KLHL29: variants seen among roughly 807,000 people sequenced by gnomAD.
KLHL29 encodes the protein kelch like family member 29.
KLHL29 carries 21 observed loss-of-function variants against 80.4 expected under a neutral mutation model. That is an observed-to-expected ratio of 0.26 (90% CI 0.19 to 0.38). The LOEUF (loss-of-function observed/expected upper bound fraction) is 0.38. KLHL29 is among the 10% of genes least tolerant of loss of function. KLHL29 has a pLI of 1.00. For missense variants in KLHL29, 867 were observed against 1,223.9 expected, an observed-to-expected ratio of 0.71 and a Z score of 4.35; for synonymous variants, 511 against 526.8, an observed-to-expected ratio of 0.97 and a Z score of 0.41.
At chr2:23,525,563 C>A (rs1292480802) in intron 2 of KLHL29, among the ~76,000 whole-genome samples, 2 of 152,200 alleles carry the variant, frequency 1.3e-5, no homozygotes, top group African/African-American at 4.8e-5. Context: ...TCTGGCCAGG[C>A]AGTGGGATGG....
chr2:23,481,553 C>G (rs1558354276), intron 2 of KLHL29, among the ~76,000 whole-genome samples: 1 of 152,222 alleles, frequency 6.6e-6, no homozygotes, highest in Non-Finnish European at 1.5e-5. Context: ...GGTCAGCAGC[C>G]TCGTTCTGTA....
Position 23,669,727 on chromosome 2 carries a change from G to A in KLHL29, c.941-14672G>A, listed in dbSNP as rs1040679198. ...CCCCCAGTCAGCCTCTGAGCACAGT[G>A]GCCGGTGCCCAGCTCATTTAGAGCT... On this transcript the variant is annotated intron_variant, in intron 5 of 13. Coordinates refer to ENST00000486442, the MANE Select transcript of KLHL29 (RefSeq NM_052920.2). This position sits in a 1 kb window ranked among gnomAD's most constrained non-coding sequence, Gnocchi z 4.3. 1.3e-5 allele frequency among the ~76,000 whole-genome samples: 2 copies of A among 152,180 alleles called. No individual in the cohort carries two copies. Among genetic ancestry groups the A allele is most frequent in the African/African-American group, 4.8e-5 (2 of 41,454 alleles).
At chr2:23,597,309 A>ATATATATGTG (rs1558402682) in intron 3 of KLHL29, among the ~76,000 whole-genome samples, 2 of 100,522 alleles carry the variant, frequency 2.0e-5, no homozygotes, top group African/African-American at 8.2e-5. Flanking sequence ...ATATATATAT[A>ATATATATGTG]TGTGTGTGTG....
intron 1 of KLHL29, among the ~76,000 whole-genome samples, chr2:23,452,359 A>C (rs1462456128): frequency 1.3e-5 from 2 of 151,756 alleles, no homozygotes; most frequent in Admixed American, 1.3e-4. Flanking sequence ...GTAAGAACTC[A>C]CTCATCACCA....
At position 23,558,412 on chromosome 2, in the gene KLHL29, T is replaced by TTTTTTTTTTTTC. The variant is rs557986046; in HGVS notation, c.-45-3730_-45-3729insTCTTTTTTTTTT. On this transcript the variant is annotated intron_variant, in intron 2 of 13. Transcript: ENST00000486442. ...CTAGGACTGTAAGACATTTTCTCTT[T>TTTTTTTTTTTTC]TTTTTTTTTTCTTTGGTCTCACTCT... Among the ~76,000 whole-genome samples the TTTTTTTTTTTTC allele has an allele frequency of 2.1e-3, 271 of 129,008 alleles. 1 individual carries two copies. The highest frequency in any genetic ancestry group is 7.5e-3 in the Middle Eastern group (2 of 266). The allele number at this position is 129,008 out of a possible 152,430, so 84.6% of individuals were successfully genotyped here.
chr2:23,662,993 C>A (rs1459433250), intron 5 of KLHL29, among the ~76,000 whole-genome samples: 1 of 152,160 alleles, frequency 6.6e-6, no homozygotes, highest in Non-Finnish European at 1.5e-5. Context: ...ATTTTCCTGG[C>A]CTGTACAATG....
chr2:23,602,059 C>G (rs1380246520), intron 3 of KLHL29, among the ~76,000 whole-genome samples: 1 of 152,172 alleles, frequency 6.6e-6, no homozygotes, highest in African/African-American at 2.4e-5. Flanking sequence ...GAGAAACTCA[C>G]GAAGGGGCAG....
chr2:23,402,982 A>G (rs1452895817), intron 1 of KLHL29, among the ~76,000 whole-genome samples: 1 of 150,878 alleles, frequency 6.6e-6, no homozygotes, highest in Non-Finnish European at 1.5e-5. Flanking sequence ...GTATATATAC[A>G]TATAGTTTTC....
chr2:23,701,430 C>T (rs1226647775), intron 11 of KLHL29, among the ~76,000 whole-genome samples: 2 of 152,182 alleles, frequency 1.3e-5, no homozygotes, highest in African/African-American at 2.4e-5. Flanking sequence ...ACCTTCAGGG[C>T]AGTCAGGTGC....
intron 2 of KLHL29, among the ~76,000 whole-genome samples, chr2:23,477,118 AACAC>A (rs1256001658): frequency 1.3e-5 from 2 of 152,224 alleles, no homozygotes; most frequent in African/African-American, 2.4e-5. Flanking sequence ...GCGTCTGCAT[AACAC>A]ACAGGGCCTA....
intron 1 of KLHL29, among the ~76,000 whole-genome samples, chr2:23,441,357 AT>A (rs1386583329): frequency 6.6e-6 from 1 of 150,712 alleles, no homozygotes; most frequent in East Asian, 2.0e-4. Context: ...GAGGGATAGC[AT>A]TAGGAGATAT....
At chr2:23,566,807 C>A (rs534013087) in intron 3 of KLHL29, among the ~76,000 whole-genome samples, 2 of 152,216 alleles carry the variant, frequency 1.3e-5, no homozygotes, top group Non-Finnish European at 2.9e-5. Flanking sequence ...CATAGAAAAG[C>A]TTAAAACACT....
chr2:23,651,686 A>T (rs1412057521), intron 5 of KLHL29, among the ~76,000 whole-genome samples: 1 of 152,084 alleles, frequency 6.6e-6, no homozygotes, highest in East Asian at 1.9e-4. Context: ...AAAATGCCAC[A>T]AATTGGGTGG....
intron 5 of KLHL29, among the ~76,000 whole-genome samples, chr2:23,656,232 G>A (rs1170911806): frequency 2.6e-5 from 4 of 152,266 alleles, no homozygotes; most frequent in East Asian, 3.9e-4. Flanking sequence ...GGGGACCGTC[G>A]CCGGCAGATG....
intron 2 of KLHL29, among the ~76,000 whole-genome samples, chr2:23,559,179 G>A (rs555314189): frequency 6.6e-6 from 1 of 152,314 alleles, no homozygotes; most frequent in South Asian, 2.1e-4. Context: ...GCTGAAAGGG[G>A]ACATGAGGCT....
At chr2:23,440,057 A>G (rs1013789733) in intron 1 of KLHL29, among the ~76,000 whole-genome samples, 4 of 151,728 alleles carry the variant, frequency 2.6e-5, no homozygotes, top group African/African-American at 4.8e-5. Context: ...TCCCTTTACC[A>G]TTATGTAATG....
chr2:23,474,214 A>G (rs918074753), intron 1 of KLHL29, among the ~76,000 whole-genome samples: 3 of 152,170 alleles, frequency 2.0e-5, no homozygotes, highest in Non-Finnish European at 4.4e-5. Flanking sequence ...ATGTATTCCC[A>G]GTGCCTTGAA....
rs188568254 is a variant in KLHL29, at chr2:23,668,281, A to T, written c.941-16118A>T. The T allele has an allele frequency of 3.9e-5, 6 of 152,318 alleles. No individual in the cohort carries two copies. The East Asian group carries it at 1.2e-3, about 29-fold the overall frequency. 9.4% of individuals were successfully genotyped at this position (152,318 alleles called of 1,614,324 possible). On this transcript the variant is annotated intron_variant, in intron 5 of 13. Transcript: ENST00000486442. ...CTGTTTCCCTCAATCACTCATTCAGACCTTACCTGAAACCTACCTGAGGCC... is the reference window on the plus strand; with the variant it reads ...CTGTTTCCCTCAATCACTCATTCAGTCCTTACCTGAAACCTACCTGAGGCC...
chr2:23,472,287 G>A (rs778722513), intron 1 of KLHL29, among the ~76,000 whole-genome samples: 7 of 152,200 alleles, frequency 4.6e-5, no homozygotes, highest in Non-Finnish European at 1.0e-4. Flanking sequence ...TCGGGAAGCA[G>A]GTGTGCTTGC....
Sources: gnomAD v4.1 joint callset for allele counts (sites outside exome capture counted in the v4.1 genomes callset) on GRCh38, gnomAD v4.1.1 for gene constraint, Gnocchi (gnomAD v3.1) non-coding constraint, MANE v1.5 for transcripts, NCBI Gene and HGNC (gene_info 2026-07-23, HGNC 2026-07-21) for gene names.